Variants in LRFN5 observed in about 807,000 individuals in gnomAD.
The protein encoded by LRFN5 is leucine rich repeat and fibronectin type III domain containing 5.
In LRFN5, 24 loss-of-function variants were observed where a neutral mutation model predicts 45.6. The ratio of observed to expected loss-of-function variants is 0.53; its 90% CI spans 0.38 to 0.74. LRFN5 has a LOEUF of 0.74. Among genes scored for constraint, LRFN5 ranks in the 30% least tolerant of loss-of-function variants. LRFN5 has a pLI of 0.00. For synonymous variants in LRFN5, 340 were observed against 313.8 expected, an observed-to-expected ratio of 1.08 and a Z score of -0.88; for missense variants, 776 against 861.5, an observed-to-expected ratio of 0.90 and a Z score of 1.24.
chr14:41,673,335 G>A (rs1170425304), intron 1 of LRFN5, among the ~76,000 whole-genome samples: 1 of 144,704 alleles, frequency 6.9e-6, no homozygotes, highest in Non-Finnish European at 1.6e-5. Flanking sequence ...GCGGCTGGCC[G>A]GGCGGGGGGC....
chr14:41,857,978 G>A (rs1007947598), intron 2 of LRFN5, among the ~76,000 whole-genome samples: 4 of 152,144 alleles, frequency 2.6e-5, no homozygotes, highest in African/African-American at 9.7e-5. Context: ...TTCCAACAGG[G>A]AATGTTGAAA....
chr14:41,867,924 C>T (rs1889894647), intron 2 of LRFN5, among the ~76,000 whole-genome samples: 1 of 151,960 alleles, frequency 6.6e-6, no homozygotes, highest in Non-Finnish European at 1.5e-5. Context: ...AGAGATCTTC[C>T]AGGAAATCAG....
chr14:41,770,617 T>A (rs924424804), intron 2 of LRFN5, among the ~76,000 whole-genome samples: 9 of 152,208 alleles, frequency 5.9e-5, no homozygotes, highest in African/African-American at 1.9e-4. Context: ...GACTTCATGT[T>A]CCACAGCATG....
intron 1 of LRFN5, chr14:41,733,540 A>C (rs935759085): frequency 1.4e-4 from 21 of 152,162 alleles, no homozygotes; most frequent in African/African-American, 5.1e-4. Context: ...ACCTGCCTTA[A>C]AATAAATGTT....
intron 2 of LRFN5, among the ~76,000 whole-genome samples, chr14:41,825,951 G>A (rs1188890941): frequency 6.6e-6 from 1 of 152,200 alleles, no homozygotes; most frequent in African/African-American, 2.4e-5. Context: ...GTTCTTCAGT[G>A]TTCCTTCTCT....
intron 1 of LRFN5, among the ~76,000 whole-genome samples, chr14:41,765,920 C>A (rs1594689495): frequency 6.6e-6 from 1 of 151,994 alleles, no homozygotes; most frequent in African/African-American, 2.4e-5. Flanking sequence ...AATATAATCA[C>A]TTCTTTAAAT....
At chr14:41,744,993 A>G (rs1192580155) in intron 1 of LRFN5, among the ~76,000 whole-genome samples, 1 of 152,108 alleles carries the variant, frequency 6.6e-6, no homozygotes, top group Non-Finnish European at 1.5e-5. Context: ...AGAAGATAAG[A>G]AGATAGAAGA....
At chr14:41,644,895 C>T (rs561334319) in intron 1 of LRFN5, among the ~76,000 whole-genome samples, 2 of 152,242 alleles carry the variant, frequency 1.3e-5, no homozygotes, top group Non-Finnish European at 2.9e-5. Flanking sequence ...GAATAAATTT[C>T]AGGGATCATA....
intron 2 of LRFN5, among the ~76,000 whole-genome samples, chr14:41,836,888 G>A (rs1158026647): frequency 2.0e-5 from 3 of 152,084 alleles, no homozygotes; most frequent in Middle Eastern, 3.2e-3. Flanking sequence ...GAGGAAGATA[G>A]TAGCAGCAGG....
rs117966123 is a variant in LRFN5 at position 41,887,066 on chromosome 14, C to T, written c.441C>T (p.Phe147=). The T allele has an allele frequency of 0.011, 18,052 of 1,614,038 alleles. 152 individuals are homozygous for T. The highest frequency in any genetic ancestry group is 0.017 in the South Asian group (1,513 of 91,086). Residue 147 remains phenylalanine, a synonymous_variant, in exon 3 of 6, where the codon TTC becomes TTT. Coordinates refer to ENST00000298119, the MANE Select transcript of LRFN5 (RefSeq NM_152447.5). The surrounding 1 kb of genome is among the most constrained non-coding windows in gnomAD (Gnocchi z 4.8). ...CCTCTACAGCGTTTGATGATGTCTT[C>T]GCCCTTGAGGAGCTGGATCTGTCCT... is the stretch of plus-strand genomic sequence containing the variant. ...LISSTAFDDV[F]ALEELDLSYN...
At chr14:41,699,574 A>G (rs1372426638) in intron 1 of LRFN5, 3 of 152,108 alleles carry the variant, frequency 2.0e-5, no homozygotes, top group Non-Finnish European at 4.4e-5. Context: ...GAGCTTAGGA[A>G]CTTAGAAGTT....
At chr14:41,819,134 C>G (rs1888024634) in intron 2 of LRFN5, among the ~76,000 whole-genome samples, 2 of 152,068 alleles carry the variant, frequency 1.3e-5, no homozygotes, top group Admixed American at 1.3e-4. Flanking sequence ...ATCGAATTAT[C>G]CATTGGTGGA....
intron 1 of LRFN5, among the ~76,000 whole-genome samples, chr14:41,751,716 G>T (rs549841571): frequency 3.3e-4 from 50 of 152,160 alleles, no homozygotes; most frequent in Non-Finnish European, 4.4e-4. Flanking sequence ...GCATCAGACA[G>T]AATCCTTAGG....
chr14:41,836,253 C>T (rs889445272), intron 2 of LRFN5, among the ~76,000 whole-genome samples: 3 of 152,100 alleles, frequency 2.0e-5, no homozygotes, highest in Admixed American at 2.0e-4. Flanking sequence ...GAAAAATGGG[C>T]AAGTATTCTT....
chr14:41,649,640 G>C (rs1879996400), intron 1 of LRFN5, among the ~76,000 whole-genome samples: 1 of 152,068 alleles, frequency 6.6e-6, no homozygotes, highest in African/African-American at 2.4e-5. Flanking sequence ...GATCATCTTT[G>C]ATATTTTATC....
chr14:41,634,142 A>G lies in LRFN5; in HGVS notation c.-197+25580A>G, dbSNP rs74944131. On this transcript the variant is annotated intron_variant, in intron 1 of 5. Transcript: ENST00000298119. ...AGTGACTGTTATAAAATAAACTCATACTATGTAATAGTTCTCAGTAAAACT... is the reference window on the plus strand; with the variant it reads ...AGTGACTGTTATAAAATAAACTCATGCTATGTAATAGTTCTCAGTAAAACT... Among the ~76,000 whole-genome samples the G allele has an allele frequency of 9.1e-3, 1,388 of 152,270 alleles. 6 individuals are homozygous for G. The highest frequency in any genetic ancestry group is 0.014 in the East Asian group (75 of 5,188).
At chr14:41,886,228 C>T (rs1890567484) in intron 2 of LRFN5, among the ~76,000 whole-genome samples, 1 of 152,040 alleles carries the variant, frequency 6.6e-6, no homozygotes, top group Admixed American at 6.6e-5. Context: ...CTTTATGTAA[C>T]AAGATGTCCT....
At chr14:41,616,198 A>G (rs1887920974) in intron 1 of LRFN5, among the ~76,000 whole-genome samples, 1 of 152,064 alleles carries the variant, frequency 6.6e-6, no homozygotes, top group African/African-American at 2.4e-5. Flanking sequence ...AGAAGAGTAA[A>G]TTTTCACCTT....
intron 1 of LRFN5, among the ~76,000 whole-genome samples, chr14:41,659,007 C>T (rs1350758687): frequency 6.6e-6 from 1 of 151,790 alleles, no homozygotes; most frequent in South Asian, 2.1e-4. Context: ...CCTAAAATTT[C>T]TTTTGGCTCT....
Sources: allele counts gnomAD v4.1 joint callset (sites outside exome capture counted in the v4.1 genomes callset), GRCh38; gene constraint gnomAD v4.1.1; non-coding constraint Gnocchi (gnomAD v3.1); transcripts MANE v1.5; gene names NCBI Gene and HGNC (gene_info 2026-07-23, HGNC 2026-07-21).